The following ADGRL2 variants were observed in gnomAD, a reference collection of about 807,000 sequenced individuals.
ADGRL2 encodes adhesion G protein-coupled receptor L2.
ADGRL2 carries 44 observed loss-of-function variants against 157.4 expected under a neutral mutation model. That is an observed-to-expected ratio of 0.28 (90% CI 0.22 to 0.36). ADGRL2 has a LOEUF of 0.36. Among genes scored for constraint, ADGRL2 ranks in the 10% least tolerant of loss-of-function variants. The pLI, the probability that ADGRL2 is intolerant of heterozygous loss-of-function variation, is 1.00. For missense variants in ADGRL2, 1,510 were observed against 1,768.9 expected (o/e 0.85, Z 2.63); for synonymous variants, 585 against 624.7 (o/e 0.94, Z 0.95).
intron 2 of ADGRL2, among the ~76,000 whole-genome samples, chr1:81,893,759 CT>C (rs1346326558): frequency 6.6e-6 from 1 of 152,108 alleles, no homozygotes; most frequent in African/African-American, 2.4e-5. Context: ...AGTATTACTT[CT>C]TTTTTAAGGT....
chr1:81,351,330 C>G (rs1312336809), intron 1 of ADGRL2, among the ~76,000 whole-genome samples: 1 of 151,510 alleles, frequency 6.6e-6, no homozygotes, highest in East Asian at 1.9e-4. Flanking sequence ...AAGCTTTAAG[C>G]TTTTGTTCTG....
intron 1 of ADGRL2, among the ~76,000 whole-genome samples, chr1:81,329,220 T>C (rs756066897): frequency 2.7e-4 from 41 of 152,050 alleles, no homozygotes; most frequent in Non-Finnish European, 5.0e-4. Context: ...TTCCAAACAA[T>C]AGGAAGGGCA....
At chr1:81,425,318 A>G (rs556871634) in intron 1 of ADGRL2, among the ~76,000 whole-genome samples, 1 of 152,244 alleles carries the variant, frequency 6.6e-6, no homozygotes, top group East Asian at 1.9e-4. Context: ...TTCTTCATTT[A>G]CTACCAGTTC....
chr1:81,356,717 G>T (rs560871864), intron 1 of ADGRL2, among the ~76,000 whole-genome samples: 74 of 152,060 alleles, frequency 4.9e-4, no homozygotes, highest in African/African-American at 1.7e-3. Context: ...ACTTTTGGAG[G>T]CCGAGGTGGG....
chr1:81,907,845 T>A (rs2094617689), intron 3 of ADGRL2, among the ~76,000 whole-genome samples: 2 of 152,208 alleles, frequency 1.3e-5, no homozygotes, highest in Non-Finnish European at 2.9e-5. Flanking sequence ...TTGTACATTT[T>A]ATGAGTTTTG....
intron 2 of ADGRL2, among the ~76,000 whole-genome samples, chr1:81,493,121 C>A (rs866086064): frequency 2.6e-5 from 4 of 152,136 alleles, no homozygotes; most frequent in African/African-American, 9.7e-5. Flanking sequence ...TGATATAGTT[C>A]TAAGAAGCAG....
intron 13 of ADGRL2, among the ~76,000 whole-genome samples, chr1:81,966,937 G>C (rs1201289570): frequency 1.3e-5 from 2 of 152,136 alleles, no homozygotes; most frequent in African/African-American, 4.8e-5. Context: ...CTTAGCAGCA[G>C]GATAGCTGAG....
intron 2 of ADGRL2, among the ~76,000 whole-genome samples, chr1:81,880,796 C>A (rs973956803): frequency 6.6e-6 from 1 of 152,032 alleles, no homozygotes; most frequent in Admixed American, 6.6e-5. Context: ...TTAGGCAAGC[C>A]CCCTGTGCAC....
Position 81,506,934 on chromosome 1 carries a change from A to G in ADGRL2, c.-248+61845A>G, listed in dbSNP as rs533209004. 7.2e-5 allele frequency among the ~76,000 whole-genome samples: 11 copies of G among 152,286 alleles called. No individual in the cohort carries two copies. In the South Asian group the frequency reaches 2.3e-3, roughly 32 times the overall value. On this transcript the variant is annotated intron_variant, in intron 2 of 24. Transcript: ENST00000370721. ...ACAGAGGGCCTCCTCCAGGCCAGTCACTGTTCTAGGTCCTGGGGATTCAGC... is the reference window on the plus strand; with the variant it reads ...ACAGAGGGCCTCCTCCAGGCCAGTCGCTGTTCTAGGTCCTGGGGATTCAGC...
At chr1:81,451,012 C>A (rs947213733) in intron 2 of ADGRL2, among the ~76,000 whole-genome samples, 11 of 152,088 alleles carry the variant, frequency 7.2e-5, no homozygotes, top group African/African-American at 2.7e-4. Context: ...AATTTAAGGC[C>A]AGTTTACTTC....
At chr1:81,719,430 A>G (rs1275691582) in intron 1 of ADGRL2, among the ~76,000 whole-genome samples, 1 of 152,218 alleles carries the variant, frequency 6.6e-6, no homozygotes, top group Non-Finnish European at 1.5e-5. Context: ...TAGCCAGAAC[A>G]TCAGGTTTCT....
At chr1:81,985,738 T>G (rs1013603857) in intron 21 of ADGRL2, among the ~76,000 whole-genome samples, 13 of 152,046 alleles carry the variant, frequency 8.6e-5, no homozygotes, top group African/African-American at 1.2e-4. Context: ...AAAGTAATTA[T>G]TTCTATATTG....
chr1:81,935,782 C>A (rs2095302139), intron 3 of ADGRL2, among the ~76,000 whole-genome samples: 1 of 145,222 alleles, frequency 6.9e-6, no homozygotes, highest in African/African-American at 2.5e-5. Context: ...AGAAATAGTT[C>A]TTGCCTTTAC....
chr1:81,672,410 G>A (rs904227077), intron 3 of ADGRL2, among the ~76,000 whole-genome samples: 4 of 152,156 alleles, frequency 2.6e-5, no homozygotes, highest in African/African-American at 7.2e-5. Context: ...GTATGGAACT[G>A]ATACATATTT....
At chr1:81,770,573 A>G (rs2086324234) in intron 2 of ADGRL2, among the ~76,000 whole-genome samples, 1 of 152,014 alleles carries the variant, frequency 6.6e-6, no homozygotes, top group South Asian at 2.1e-4. Flanking sequence ...TCCTGGGTTC[A>G]AGCCATTCTC....
In ADGRL2 at chr1:81,579,258, A is replaced by T. The variant is rs550913869; in HGVS notation, c.-247-1618A>T. ...CATGCTGCTTCCATTGTCTCCATGT[A>T]TATAATACATTCCATCTTATTTACA... is the stretch of plus-strand genomic sequence containing the variant. On this transcript the variant is annotated intron_variant, in intron 2 of 24. Transcript: ENST00000370721. 2 of 152,316 alleles carry T rather than the reference A, an allele frequency of 1.3e-5. 1 individual carries two copies. Among genetic ancestry groups the T allele is most frequent in the South Asian group, 4.1e-4 (2 of 4,828 alleles). The allele number at this position is 152,316 out of a possible 1,614,324, so 9.4% of individuals were successfully genotyped here. A position where few individuals can be genotyped will look rare whatever the true frequency, so the allele number is the denominator to read the frequency against.
At chr1:81,381,588 A>G (rs2076345763) in intron 1 of ADGRL2, among the ~76,000 whole-genome samples, 1 of 152,180 alleles carries the variant, frequency 6.6e-6, no homozygotes, top group African/African-American at 2.4e-5. Flanking sequence ...AAAAAAAAAT[A>G]GCAAAATAGC....
At chr1:81,406,859 C>T (rs538904471) in intron 1 of ADGRL2, among the ~76,000 whole-genome samples, 1 of 152,238 alleles carries the variant, frequency 6.6e-6, no homozygotes, top group Admixed American at 6.5e-5. Context: ...GCAAATGCTG[C>T]AGAATCCTCA....
At chr1:81,896,059 TAAC>T (rs1381711763) in intron 2 of ADGRL2, among the ~76,000 whole-genome samples, 1 of 152,136 alleles carries the variant, frequency 6.6e-6, no homozygotes, top group Non-Finnish European at 1.5e-5. Flanking sequence ...AAATTTCTAA[TAAC>T]AAAAGGATAG....
Sources: gnomAD v4.1 joint callset for allele counts (sites outside exome capture counted in the v4.1 genomes callset) on GRCh38, gnomAD v4.1.1 for gene constraint, MANE v1.5 for transcripts, NCBI Gene and HGNC (gene_info 2026-07-23, HGNC 2026-07-21) for gene names.